Variants in SH3BP5 observed in about 807,000 individuals in gnomAD.
SH3BP5 encodes SH3 domain-binding protein 5.
In SH3BP5, 22 loss-of-function variants were observed where a neutral mutation model predicts 43.3. That is an observed-to-expected ratio of 0.51 (90% CI 0.36 to 0.73). The LOEUF is 0.73. Among genes scored for constraint, SH3BP5 ranks in the 30% least tolerant of loss-of-function variants. The pLI, the probability that SH3BP5 is intolerant of heterozygous loss-of-function variation, is 0.00. For synonymous variants in SH3BP5, 255 were observed against 225.8 expected, an observed-to-expected ratio of 1.13 and a Z score of -1.16; for missense variants, 529 against 586.9, an observed-to-expected ratio of 0.90 and a Z score of 1.02.
At chr3:15,330,240 A>C (rs550637453) in intron 2 of SH3BP5, among the ~76,000 whole-genome samples, 6 of 152,236 alleles carry the variant, frequency 3.9e-5, no homozygotes, top group Admixed American at 6.5e-5. Flanking sequence ...CTTGGGGCTT[A>C]AGCGTTGTGT....
At position 15,289,094 on chromosome 3, in the gene SH3BP5, G is replaced by C. The variant is rs111264495; in HGVS notation, c.330+15009C>G. Reference sequence around the variant, plus strand: ...AAAAGAGTCTTATGCCTGCTCTGTGGGTAACTTAAGCCCACCTTTAACTCC... The same window carrying C: ...AAAAGAGTCTTATGCCTGCTCTGTGCGTAACTTAAGCCCACCTTTAACTCC... On this transcript the variant is annotated intron_variant, in intron 3 of 8. Transcript: ENST00000383791. Among the ~76,000 whole-genome samples the C allele has an allele frequency of 7.9e-4, 121 of 152,320 alleles. 2 individuals carry two copies. Among genetic ancestry groups the C allele is most frequent in the African/African-American group, 2.1e-3 (88 of 41,564 alleles).
At chr3:15,263,436 T>C (rs567123696) in intron 4 of SH3BP5, among the ~76,000 whole-genome samples, 2 of 152,320 alleles carry the variant, frequency 1.3e-5, no homozygotes, top group South Asian at 4.1e-4. Flanking sequence ...TATTCTGAAC[T>C]AGTTGGCTGT....
At chr3:15,264,669 C>G (rs1696571187) in intron 4 of SH3BP5, among the ~76,000 whole-genome samples, 1 of 152,130 alleles carries the variant, frequency 6.6e-6, no homozygotes, top group Non-Finnish European at 1.5e-5. Context: ...GACTTCTCAA[C>G]CAAGACCAAA....
chr3:15,286,286 C>T (rs898521324), intron 3 of SH3BP5, among the ~76,000 whole-genome samples: 13 of 152,296 alleles, frequency 8.5e-5, no homozygotes, highest in Admixed American at 2.6e-4. Flanking sequence ...GAGGCAGAAT[C>T]GGCACAAACT....
At chr3:15,257,337 T>C in intron 7 of SH3BP5, 1 of 542,010 alleles carries the variant, frequency 1.8e-6, no homozygotes, top group East Asian at 3.0e-5. Flanking sequence ...TTAAGCGCCC[T>C]TCCAATAACC....
chr3:15,262,513 C>G (rs185515468), intron 4 of SH3BP5, among the ~76,000 whole-genome samples: 1 of 152,008 alleles, frequency 6.6e-6, no homozygotes, highest in African/African-American at 2.4e-5. Context: ...AAAAATCAGC[C>G]GGGCCTGGTG....
chr3:15,280,655 C>G (rs1697100429), intron 3 of SH3BP5, among the ~76,000 whole-genome samples: 1 of 152,186 alleles, frequency 6.6e-6, no homozygotes, highest in Admixed American at 6.5e-5. Context: ...CTCTCTGTCC[C>G]CAAAACACAC....
chr3:15,273,235 ACT>A (rs1399913618), intron 3 of SH3BP5: 1 of 985,026 alleles, frequency 1.0e-6, no homozygotes, highest in African/African-American at 1.8e-5. Context: ...TTAAGGGTAA[ACT>A]CTCTTCTCCC....
chr3:15,333,386 G>T, upstream of SH3BP5: 1 of 442,426 alleles, frequency 2.3e-6, no homozygotes, highest in Non-Finnish European at 3.0e-6. Context: ...TCCTTGCCTT[G>T]AGAAATGCAG....
chr3:15,319,536 G>C (rs1252956369), intron 2 of SH3BP5, among the ~76,000 whole-genome samples: 2 of 152,172 alleles, frequency 1.3e-5, no homozygotes, highest in African/African-American at 4.8e-5. Context: ...TTAGAATGCA[G>C]GTGGGCTCAT....
intron 5 of SH3BP5, among the ~76,000 whole-genome samples, chr3:15,260,736 A>C (rs1447536523): frequency 6.6e-6 from 1 of 152,150 alleles, no homozygotes; most frequent in East Asian, 1.9e-4. Flanking sequence ...GCATCCATGC[A>C]AGGGAGTGTG....
intron 3 of SH3BP5, among the ~76,000 whole-genome samples, chr3:15,280,794 C>T (rs1034418931): frequency 6.6e-6 from 1 of 152,214 alleles, no homozygotes; most frequent in Non-Finnish European, 1.5e-5. Context: ...CAATTCTCTT[C>T]CATCTCTGCC....
In SH3BP5 at chr3:15,256,884, C is replaced by T. The variant is rs1381190354; in HGVS notation, c.1119G>A (p.Gly373=). 1 of 1,613,120 alleles carries T rather than the reference C, an allele frequency of 6.2e-7. No individual in the cohort carries two copies. The highest frequency in any genetic ancestry group is 8.5e-7 in the Non-Finnish European group (1 of 1,179,394). ...CTACTTCACATTCAGGGGAGGAGGCCCCGCTGCATTCACTTCGAGGGCCCA... is the reference window on the plus strand; with the variant it reads ...CTACTTCACATTCAGGGGAGGAGGCTCCGCTGCATTCACTTCGAGGGCCCA... ...PVLGPRSECS[G]ASSPECEVER... is the part of the protein sequence containing the mutation. Residue 373 remains glycine, a synonymous_variant, in exon 8 of 9, where the codon GGG becomes GGA. Coordinates refer to ENST00000383791, the MANE Select transcript of SH3BP5 (RefSeq NM_004844.5).
chr3:15,327,306 A>G (rs1446501224), intron 2 of SH3BP5, among the ~76,000 whole-genome samples: 2 of 152,166 alleles, frequency 1.3e-5, no homozygotes, highest in African/African-American at 4.8e-5. Context: ...AGGCTGAGGC[A>G]GGAGACTGGC....
intron 3 of SH3BP5, chr3:15,273,340 G>A (rs1696870612): frequency 5.1e-6 from 5 of 985,042 alleles, no homozygotes; most frequent in Non-Finnish European, 6.0e-6. Context: ...GCTGTACCAC[G>A]GGCCCAGCAC....
At chr3:15,334,488 G>T (rs1249257225), upstream of SH3BP5, among the ~76,000 whole-genome samples, 1 of 152,068 alleles carries the variant, frequency 6.6e-6, no homozygotes, top group East Asian at 1.9e-4. Context: ...AGCATTTTGG[G>T]AGGCTGAGGC....
chr3:15,259,442 G>A (rs1401575055), intron 6 of SH3BP5: 5 of 528,658 alleles, frequency 9.5e-6, no homozygotes, highest in Non-Finnish European at 1.7e-5. Context: ...TCCAACCTCA[G>A]AGTTTCTAAT....
At chr3:15,338,549 C>T (rs927651434) in intron 1 of SH3BP5, among the ~76,000 whole-genome samples, 1 of 152,262 alleles carries the variant, frequency 6.6e-6, no homozygotes. Context: ...CTGGAAGCGA[C>T]TGGTGGGATC....
At chr3:15,256,832 G>A (rs1231401336) in intron 8 of SH3BP5, 21 bp downstream of exon 8, 2 of 1,592,368 alleles carry the variant, frequency 1.3e-6, no homozygotes, top group African/African-American at 2.7e-5. Context: ...TCTGGGACGG[G>A]GTGAGAAGGC....
Sources: gnomAD v4.1 joint callset for allele counts (sites outside exome capture counted in the v4.1 genomes callset) on GRCh38, gnomAD v4.1.1 for gene constraint, MANE v1.5 for transcripts, NCBI Gene and HGNC (gene_info 2026-07-23, HGNC 2026-07-21) for gene names.